The following PARP6 variants were observed in gnomAD, a reference collection of about 807,000 sequenced individuals.
PARP6 encodes the protein protein mono-ADP-ribosyltransferase PARP6.
PARP6 carries 27 observed loss-of-function variants against 92.0 expected under a neutral mutation model. That is an observed-to-expected ratio of 0.29 (90% CI 0.22 to 0.40). The LOEUF is 0.40. Ranked by LOEUF, PARP6 falls within the 10% of genes least tolerant of loss-of-function variation. The pLI is 1.00. For missense variants in PARP6, 501 were observed against 784.5 expected, an observed-to-expected ratio of 0.64 and a Z score of 4.32; for synonymous variants, 272 against 281.2, an observed-to-expected ratio of 0.97 and a Z score of 0.33.
At chr15:72,266,178 G>A (rs2086568951) in intron 4 of PARP6, among the ~76,000 whole-genome samples, 187 bp from the exon 5 acceptor site, 1 of 152,170 alleles carries the variant, frequency 6.6e-6, no homozygotes, top group Admixed American at 6.5e-5. Context: ...ATTAACAGAG[G>A]TCTCCATCTC....
intron 9 of PARP6, 101 bp downstream of exon 9, chr15:72,261,457 T>C: frequency 9.4e-7 from 1 of 1,063,654 alleles, no homozygotes; most frequent in Non-Finnish European, 1.4e-6. Context: ...AGAGACAGAA[T>C]TCAGGGAAGA....
At chr15:72,263,421 C>G (rs548238279) in intron 8 of PARP6, among the ~76,000 whole-genome samples, 22 of 152,276 alleles carry the variant, frequency 1.4e-4, no homozygotes, top group Non-Finnish European at 2.4e-4. Context: ...CTTGTCTCAT[C>G]CCCTCCTACC....
chr15:72,259,724 G>T, intron 10 of PARP6, 63 bp from the exon 11 acceptor site: 1 of 1,405,094 alleles, frequency 7.1e-7, no homozygotes, highest in Non-Finnish European at 1.0e-6. Flanking sequence ...AGACAGACCT[G>T]ACTCTTGCCT....
At chr15:72,262,116 T>C (rs899508575) in intron 8 of PARP6, among the ~76,000 whole-genome samples, 2 of 152,224 alleles carry the variant, frequency 1.3e-5, no homozygotes, top group African/African-American at 4.8e-5. Flanking sequence ...TAAGGGGTAC[T>C]GACATTGTTA....
At chr15:72,271,996 C>T (rs1252720008) in intron 1 of PARP6, among the ~76,000 whole-genome samples, 1 of 152,176 alleles carries the variant, frequency 6.6e-6, no homozygotes, top group Non-Finnish European at 1.5e-5. Flanking sequence ...GTGGGTTGGG[C>T]TCCCGGCTTT....
chr15:72,265,235 CTA>C (rs1241178151), intron 6 of PARP6, 64 bp from the exon 7 acceptor site: 13 of 1,165,806 alleles, frequency 1.1e-5, no homozygotes, highest in Non-Finnish European at 1.7e-5. Flanking sequence ...GAAATTTCCC[CTA>C]TATGACACAC....
chr15:72,257,321 C>T lies in PARP6; in HGVS notation c.999+27G>A, dbSNP rs557119339. 8.2e-5 allele frequency: 126 copies of T among 1,533,234 alleles called. 1 individual carries two copies. In the South Asian group the frequency reaches 1.4e-3, roughly 17 times the overall value. 95.0% of individuals were successfully genotyped at this position (1,533,234 alleles called of 1,614,324 possible). A position where few individuals can be genotyped will look rare whatever the true frequency, so the allele number is the denominator to read the frequency against. ...TCCTCTGTCTTTCTTGATCCCAATT[C>T]CCCAGCCACGTTTCCCTCCCCCATA... On this transcript the variant is annotated intron_variant, in intron 13 of 23. Coordinates refer to ENST00000569795, the MANE Select transcript of PARP6 (RefSeq NM_001323532.2).
At chr15:72,258,278 T>C (rs1026944748) in intron 11 of PARP6, 146 bp from the exon 12 acceptor site, 2 of 655,638 alleles carry the variant, frequency 3.1e-6, no homozygotes, top group African/African-American at 3.6e-5. Flanking sequence ...GTACTTAAAC[T>C]GATGGCCTGA....
chr15:72,266,704 T>G (rs759078484), intron 4 of PARP6, 41 bp downstream of exon 4: 2 of 1,438,466 alleles, frequency 1.4e-6, no homozygotes, highest in South Asian at 2.3e-5. Flanking sequence ...AGCACATATC[T>G]AGACCATCCA....
At position 72,249,240 on chromosome 15, in the gene PARP6, C is replaced by A. The variant is rs753486665; in HGVS notation, c.1561+5G>T. The A allele has an allele frequency of 2.5e-6, 4 of 1,575,816 alleles. No individual in the cohort carries two copies. Among genetic ancestry groups the A allele is most frequent in the Non-Finnish European group, 3.5e-6 (4 of 1,147,190 alleles). ...GAGTCAAGGTGGCCACAGAATATTT[C>A]TTACCTGAGTATCCAAAGGAAATAC... is the stretch of plus-strand genomic sequence containing the variant. On this transcript the variant is annotated splice_donor_5th_base_variant and intron_variant, in intron 20 of 23. Coordinates refer to ENST00000569795, the MANE Select transcript of PARP6 (RefSeq NM_001323532.2).
chr15:72,261,632 C>A lies in PARP6; in HGVS notation c.471G>T (p.Arg157Ser), dbSNP rs773855605. 32 of 1,613,864 alleles carry A rather than the reference C, an allele frequency of 2.0e-5. No homozygotes were observed. Among genetic ancestry groups the A allele is most frequent in the Non-Finnish European group, 2.7e-5 (32 of 1,179,876 alleles). The change falls in exon 9 of 24, where the codon AGG becomes AGT. Residue 157 changes from arginine (R) to serine (S), a missense_variant. Coordinates refer to ENST00000569795, the MANE Select transcript of PARP6 (RefSeq NM_001323532.2). ...TACCACTTGCCTTGAACCAACTGTG[C>A]CTCTTCTCCTGCTGGGTCTTCAAGA... ...NDFLKTQQEK[R>S]HSWFKASGTI...
At chr15:72,246,649 A>G (rs565865877) in intron 20 of PARP6, among the ~76,000 whole-genome samples, 1 of 152,294 alleles carries the variant, frequency 6.6e-6, no homozygotes, top group East Asian at 1.9e-4. Flanking sequence ...ATACACATAT[A>G]TATGCCTAAA....
chr15:72,258,228 C>T lies in PARP6; in HGVS notation c.811-96G>A, dbSNP rs146526121. The T allele has an allele frequency of 8.8e-5, 76 of 862,296 alleles. No individual in the cohort carries two copies. The African/African-American group carries it at 1.1e-3, about 13-fold the overall frequency. 53.4% of individuals were successfully genotyped at this position (862,296 alleles called of 1,614,324 possible). A position where few individuals can be genotyped will look rare whatever the true frequency, so the allele number is the denominator to read the frequency against. ...TTTTTTTCCAACTACCCTCCATCCT[C>T]CCAGCCCCGTGCCTAAGGTAGGATA... On this transcript the variant is annotated intron_variant, in intron 11 of 23. Transcript: ENST00000569795.
intron 14 of PARP6, among the ~76,000 whole-genome samples, chr15:72,255,125 GC>G (rs2084897077): frequency 1.3e-5 from 2 of 152,060 alleles, no homozygotes; most frequent in African/African-American, 4.8e-5. Flanking sequence ...TATTCCTCCT[GC>G]CTGATTGCTT....
chr15:72,242,062 A>T lies in PARP6; in HGVS notation c.1706-77T>A. On this transcript the variant is annotated intron_variant, in intron 22 of 23. Coordinates refer to ENST00000569795, the MANE Select transcript of PARP6 (RefSeq NM_001323532.2). This position sits in a 1 kb window ranked among gnomAD's most constrained non-coding sequence, Gnocchi z 4.3. ...CCAGGCAGGAGAAGGAAGCCATGCC[A>T]CTTCAACATCACTCTTGGCCAGATC... 1 of 1,452,466 alleles carries T rather than the reference A, an allele frequency of 6.9e-7. No homozygotes were observed. Among genetic ancestry groups the T allele is most frequent in the Non-Finnish European group, 9.7e-7 (1 of 1,032,714 alleles). The allele number at this position is 1,452,466 out of a possible 1,614,324, so 90.0% of individuals were successfully genotyped here.
In PARP6 at chr15:72,254,772, T is replaced by G. The variant is rs2084845705; in HGVS notation, c.1126-252A>C. Among the ~76,000 whole-genome samples the G allele has an allele frequency of 2.0e-5, 3 of 152,200 alleles. No homozygotes were observed. The South Asian group carries it at 6.2e-4, about 31-fold the overall frequency. ...CCTTTATGCAAGTGAAGATAACTCC[T>G]ATCACCCCCATAGAGATGTTCTGAG... is the stretch of plus-strand genomic sequence containing the variant. On this transcript the variant is annotated intron_variant, in intron 14 of 23. Transcript: ENST00000569795.
intron 10 of PARP6, 64 bp from the exon 11 acceptor site, chr15:72,259,725 ACT>A: frequency 7.2e-7 from 1 of 1,387,354 alleles, no homozygotes; most frequent in South Asian, 1.2e-5. Context: ...GACAGACCTG[ACT>A]CTTGCCTATC....
chr15:72,265,614 T>C (rs1426170), intron 5 of PARP6, 141 bp from the exon 6 acceptor site: 702,906 of 705,720 alleles, frequency 1, 350,111 homozygotes, highest in East Asian at 1. Flanking sequence ...GTCTTAGCTA[T>C]AGCCTTACAC....
intron 8 of PARP6, among the ~76,000 whole-genome samples, chr15:72,263,516 T>C (rs1220203788): frequency 6.6e-6 from 1 of 152,208 alleles, no homozygotes; most frequent in East Asian, 1.9e-4. Context: ...ATGTTCACAC[T>C]GCCTAAAGGA....
Sources: allele counts gnomAD v4.1 joint callset (sites outside exome capture counted in the v4.1 genomes callset), GRCh38; gene constraint gnomAD v4.1.1; non-coding constraint Gnocchi (gnomAD v3.1); transcripts MANE v1.5; gene names NCBI Gene and HGNC (gene_info 2026-07-23, HGNC 2026-07-21).